Variants in ZNF12 observed in about 807,000 individuals in gnomAD.
ZNF12 encodes the protein zinc finger protein 12, also known as gonadotropin inducible transcription repressor 3.
In ZNF12, 34 loss-of-function variants were observed where a neutral mutation model predicts 66.6. The observed-to-expected ratio is 0.51, with a 90% CI of 0.39 to 0.68. ZNF12 has a LOEUF of 0.68. Among genes scored for constraint, ZNF12 ranks in the 30% least tolerant of loss-of-function variants. The probability of loss-of-function intolerance (pLI) is 0.00; values close to 1 mark genes in which losing one functional copy is unlikely to be tolerated. For synonymous variants in ZNF12, 320 were observed against 278.9 expected (o/e 1.15, Z -1.47); for missense variants, 697 against 826.9 (o/e 0.84, Z 1.93).
chr7:6,705,309 G>T lies in ZNF12; in HGVS notation c.-50-86C>A, dbSNP rs1436901878. 4.2e-6 allele frequency: 4 copies of T among 946,652 alleles called. No individual in the cohort carries two copies. The highest frequency in any genetic ancestry group is 6.5e-6 in the Non-Finnish European group (4 of 617,424). The allele number at this position is 946,652 out of a possible 1,614,324, so 58.6% of individuals were successfully genotyped here. On this transcript the variant is annotated intron_variant, in intron 1 of 4. Transcript: ENST00000405858. This position sits in a 1 kb window ranked among gnomAD's most constrained non-coding sequence, Gnocchi z 4.0. ...CTCCCGCCCAAAACCTACACAGAAA[G>T]TTCCAAGAAGTACATCTTGTGGGAG... is the stretch of plus-strand genomic sequence containing the variant.
chr7:6,702,069 A>C (rs752162731), intron 2 of ZNF12, among the ~76,000 whole-genome samples: 7 of 152,046 alleles, frequency 4.6e-5, no homozygotes, highest in Non-Finnish European at 8.8e-5. Context: ...TCAGAGAGTC[A>C]CATGACCTCC....
At chr7:6,700,100 A>G (rs577469136) in intron 2 of ZNF12, among the ~76,000 whole-genome samples, 1,851 of 151,950 alleles carry the variant, frequency 0.012, 14 homozygotes, top group Non-Finnish European at 0.019. Flanking sequence ...CCTGGCTAAC[A>G]CAGTGAAACC....
rs567937872 is a variant in ZNF12, at chr7:6,688,776, C to T, written c.*2072G>A. ...GAGAGGAAACAGAATTAGATCCTTA[C>T]CTCATACTATATGTTGTCAGCTAAC... On this transcript the variant is annotated 3_prime_UTR_variant, in exon 5 of 5. Coordinates refer to ENST00000405858, the MANE Select transcript of ZNF12 (RefSeq NM_016265.4). This position sits in a 1 kb window ranked among gnomAD's most constrained non-coding sequence, Gnocchi z 4.3. 20 of 152,438 alleles carry T rather than the reference C, an allele frequency of 1.3e-4. No individual in the cohort carries two copies. In the South Asian group the frequency reaches 3.5e-3, roughly 27 times the overall value. The allele number at this position is 152,438 out of a possible 1,614,324, so 9.4% of individuals were successfully genotyped here.
In ZNF12 at chr7:6,697,566, C is replaced by A; in HGVS notation, c.142+119G>T. ...ACGGGGGAGATCAAGACCAAAATGC[C>A]CTGCCTGGTGCCCAAAAACAGATTA... On this transcript the variant is annotated intron_variant, in intron 3 of 4. Transcript: ENST00000405858. This position sits in a 1 kb window ranked among gnomAD's most constrained non-coding sequence, Gnocchi z 6.1. 1.3e-6 allele frequency: 2 copies of A among 1,541,652 alleles called. No individual in the cohort carries two copies. The highest frequency in any genetic ancestry group is 8.9e-7 in the Non-Finnish European group (1 of 1,129,788).
rs531417197 is a variant in ZNF12 at position 6,697,844 on chromosome 7, G to A, written c.16-33C>T. 27 of 1,613,656 alleles carry A rather than the reference G, an allele frequency of 1.7e-5. No homozygotes were observed. The highest frequency in any genetic ancestry group is 3.3e-5 in the Admixed American group (2 of 60,006). ...GGCACCGTGATTGGAATTGGGTGACGTGAAATAGGCACATAGGTACAAGAT... is the reference window on the plus strand; with the variant it reads ...GGCACCGTGATTGGAATTGGGTGACATGAAATAGGCACATAGGTACAAGAT... On this transcript the variant is annotated intron_variant, in intron 2 of 4. Transcript: ENST00000405858. This position sits in a 1 kb window ranked among gnomAD's most constrained non-coding sequence, Gnocchi z 6.1.
chr7:6,690,728 A>T lies in ZNF12; in HGVS notation c.*120T>A. On this transcript the variant is annotated 3_prime_UTR_variant, in exon 5 of 5. Coordinates refer to ENST00000405858, the MANE Select transcript of ZNF12 (RefSeq NM_016265.4). ...AGTCTTCAGATTATGAGTCCAACAC[A>T]CAAGGGGATGTCCACACTAACCTGT... is the stretch of plus-strand genomic sequence containing the variant. The T allele has an allele frequency of 9.7e-7, 1 of 1,032,478 alleles. No homozygotes were observed. The highest frequency in any genetic ancestry group is 1.4e-6 in the Non-Finnish European group (1 of 729,328). The allele number at this position is 1,032,478 out of a possible 1,614,324, so 64.0% of individuals were successfully genotyped here. A position where few individuals can be genotyped will look rare whatever the true frequency, so the allele number is the denominator to read the frequency against.
chr7:6,703,005 T>C (rs1478602296), intron 2 of ZNF12, among the ~76,000 whole-genome samples: 3 of 134,166 alleles, frequency 2.2e-5, no homozygotes, highest in Non-Finnish European at 3.1e-5. Context: ...CTGCCACTCA[T>C]TGCATACTAA....
At chr7:6,706,024 C>T (rs532526769) in intron 1 of ZNF12, among the ~76,000 whole-genome samples, 2 of 152,324 alleles carry the variant, frequency 1.3e-5, no homozygotes, top group African/African-American at 4.8e-5. Context: ...AGTCACCCAC[C>T]TGCTAAGGCC....
chr7:6,692,372 A>G lies in ZNF12; in HGVS notation c.570T>C (p.Tyr190=), dbSNP rs748367714. The G allele has an allele frequency of 3.7e-6, 6 of 1,610,992 alleles. No homozygotes were observed. Among genetic ancestry groups the G allele is most frequent in the South Asian group, 2.2e-5 (2 of 90,280 alleles). Residue 190 remains tyrosine, a synonymous_variant, in exon 5 of 5, where the codon TAT becomes TAC. Coordinates refer to ENST00000405858, the MANE Select transcript of ZNF12 (RefSeq NM_016265.4). The surrounding 1 kb of genome is among the most constrained non-coding windows in gnomAD (Gnocchi z 5.1). ...LEKTHPGDQA[Y]EFNQNGEPYT... is the part of the protein sequence containing the mutation. Reference sequence around the variant, plus strand: ...AAGGTTCCCCATTTTGATTAAATTCATAAGCTTGATCTCCTGGATGAGTTT... The same window carrying G: ...AAGGTTCCCCATTTTGATTAAATTCGTAAGCTTGATCTCCTGGATGAGTTT...
rs1444822604 is a variant in ZNF12, at chr7:6,697,952, T to A, written c.16-141A>T. 2 of 1,022,122 alleles carry A rather than the reference T, an allele frequency of 2.0e-6. No homozygotes were observed. Among genetic ancestry groups the A allele is most frequent in the East Asian group, 4.7e-5 (2 of 42,172 alleles). The allele number at this position is 1,022,122 out of a possible 1,614,324, so 63.3% of individuals were successfully genotyped here. A position where few individuals can be genotyped will look rare whatever the true frequency, so the allele number is the denominator to read the frequency against. On this transcript the variant is annotated intron_variant, in intron 2 of 4. Coordinates refer to ENST00000405858, the MANE Select transcript of ZNF12 (RefSeq NM_016265.4). The surrounding 1 kb of genome is among the most constrained non-coding windows in gnomAD (Gnocchi z 6.1). The stretch of plus-strand genomic sequence containing the variant: ...ACAGACTGTCAAAGGGAAACAAACA[T>A]ATCAGAAATACACTGTTCTGGGGTT...
chr7:6,689,841 T>C lies in ZNF12; in HGVS notation c.*1007A>G, dbSNP rs1562596975. On this transcript the variant is annotated 3_prime_UTR_variant, in exon 5 of 5. Transcript: ENST00000405858. ...CAAATGAAAACACAGTGAATTCCTA[T>C]GTTACACAGCATTGTGCTCTGCACT... 1 of 152,644 alleles carries C rather than the reference T, an allele frequency of 6.6e-6. No homozygotes were observed. Among genetic ancestry groups the C allele is most frequent in the African/African-American group, 2.4e-5 (1 of 41,452 alleles). The allele number at this position is 152,644 out of a possible 1,614,324, so 9.5% of individuals were successfully genotyped here.
chr7:6,703,065 C>CACACA (rs1780283241), intron 2 of ZNF12, among the ~76,000 whole-genome samples: 1 of 151,692 alleles, frequency 6.6e-6, no homozygotes, highest in Non-Finnish European at 1.5e-5. Context: ...CACACACACA[C>CACACA]CCCTACCTGC....
chr7:6,691,685 G>A lies in ZNF12; in HGVS notation c.1257C>T (p.Cys419=). The A allele has an allele frequency of 6.2e-7, 1 of 1,613,660 alleles. No individual in the cohort carries two copies. The highest frequency in any genetic ancestry group is 8.5e-7 in the Non-Finnish European group (1 of 1,179,810). The change falls in exon 5 of 5, where the codon TGC becomes TGT. Residue 419 remains cysteine, a synonymous_variant. Transcript: ENST00000405858. The part of the protein sequence containing the change: ...YKCSECGKCF[C]RKSTLTTHLR... ...GGTGGGTCGTGAGAGTAGACTTGCG[G>A]CAGAAGCATTTCCCACATTCACTAC...
Position 6,691,201 on chromosome 7 carries a change from C to T in ZNF12, c.1741G>A (p.Glu581Lys). Residue 581 changes from glutamate (E) to lysine (K), a missense_variant, in exon 5 of 5, where the codon GAA becomes AAA. Glu to Lys is a moderately conservative substitution (Grantham distance 56). Around this residue, in one of 3 missense-constraint regions of ZNF12, gnomAD observed 401 missense variants for 519.0 expected, o/e 0.77. Coordinates refer to ENST00000405858, the MANE Select transcript of ZNF12 (RefSeq NM_016265.4). ...HSGEKPYECS[E>K]CGKTFCQNSA... is the part of the protein sequence containing the mutation. Reference sequence around the variant, plus strand: ...TTCTGGCAGAAGGTTTTCCCACATTCACTACATTCATAGGGCTTCTCTCCT... The same window carrying T: ...TTCTGGCAGAAGGTTTTCCCACATTTACTACATTCATAGGGCTTCTCTCCT... The T allele has an allele frequency of 4.3e-6, 7 of 1,614,118 alleles. No individual in the cohort carries two copies. Among genetic ancestry groups the T allele is most frequent in the South Asian group, 1.1e-5 (1 of 91,082 alleles).
rs1290749510 is a variant in ZNF12, at chr7:6,688,642, G to C, written c.*2206C>G. On this transcript the variant is annotated 3_prime_UTR_variant, in exon 5 of 5. Coordinates refer to ENST00000405858, the MANE Select transcript of ZNF12 (RefSeq NM_016265.4). The surrounding 1 kb of genome is among the most constrained non-coding windows in gnomAD (Gnocchi z 4.3). Reference sequence around the variant, plus strand: ...GAAGAATATGGAGAAAAAGTGCTGAGTGACAAAAACAGGAGCCATGTGTGA... The same window carrying C: ...GAAGAATATGGAGAAAAAGTGCTGACTGACAAAAACAGGAGCCATGTGTGA... 6.6e-6 allele frequency: 1 copy of C among 152,182 alleles called. No individual in the cohort carries two copies. The highest frequency in any genetic ancestry group is 1.5e-5 in the Non-Finnish European group (1 of 68,032). The allele number at this position is 152,182 out of a possible 1,614,324, so 9.4% of individuals were successfully genotyped here. A position where few individuals can be genotyped will look rare whatever the true frequency, so the allele number is the denominator to read the frequency against.
Position 6,697,755 on chromosome 7 carries a change from C to G in ZNF12, c.72G>C (p.Gln24His). 1 of 1,614,202 alleles carries G rather than the reference C, an allele frequency of 6.2e-7. No individual in the cohort carries two copies. The highest frequency in any genetic ancestry group is 8.5e-7 in the Non-Finnish European group (1 of 1,180,040). The change falls in exon 3 of 5, where the codon CAG (glutamine) becomes CAC (histidine). Residue 24 changes from glutamine (Q) to histidine (H), a missense_variant. Physicochemically the swap from Gln to His is conservative, Grantham distance 24. Transcript: ENST00000405858. The surrounding 1 kb of genome is among the most constrained non-coding windows in gnomAD (Gnocchi z 6.1). ...AVDFTQEEWQ[Q>H]LDPEQKITYR... ...AAGTTATCTTCTGCTCAGGATCCAG[C>G]TGCTGCCATTCCTCCTGGGTGAAGT...
Position 6,698,140 on chromosome 7 carries a change from G to A in ZNF12, c.16-329C>T. On this transcript the variant is annotated intron_variant, in intron 2 of 4. Transcript: ENST00000405858. This position sits in a 1 kb window ranked among gnomAD's most constrained non-coding sequence, Gnocchi z 4.4. The stretch of plus-strand genomic sequence containing the variant: ...GGGGACACTCACAGAACCCCAGGAT[G>A]CACTCTGCTTCTTTGCACATTCTTC... The A allele has an allele frequency of 2.0e-6, 1 of 510,842 alleles. No individual in the cohort carries two copies. The highest frequency in any genetic ancestry group is 2.6e-5 in the Admixed American group (1 of 39,090). 31.6% of individuals were successfully genotyped at this position (510,842 alleles called of 1,614,324 possible).
In ZNF12 at chr7:6,697,190, GA is replaced by G. The variant is rs1248046719; in HGVS notation, c.238+148del. ...CTCCATAAACATAAGTTCTTACGGG[GA>G]AGGAAGAAGTCTTTGGGAGTGAGAT... On this transcript the variant is annotated intron_variant, in intron 4 of 4. Transcript: ENST00000405858. This position sits in a 1 kb window ranked among gnomAD's most constrained non-coding sequence, Gnocchi z 6.1. 4 of 529,644 alleles carry G rather than the reference GA, an allele frequency of 7.6e-6. No homozygotes were observed. Among genetic ancestry groups the G allele is most frequent in the Non-Finnish European group, 1.3e-5 (4 of 307,700 alleles). The allele number at this position is 529,644 out of a possible 1,614,324, so 32.8% of individuals were successfully genotyped here. A position where few individuals can be genotyped will look rare whatever the true frequency, so the allele number is the denominator to read the frequency against.
chr7:6,703,328 G>C (rs1381759966), intron 2 of ZNF12, among the ~76,000 whole-genome samples: 1 of 152,146 alleles, frequency 6.6e-6, no homozygotes, highest in Non-Finnish European at 1.5e-5. Flanking sequence ...GTGGAGGAAA[G>C]TAGCAGTATA....
Sources: allele counts gnomAD v4.1 joint callset (sites outside exome capture counted in the v4.1 genomes callset), GRCh38; gene constraint gnomAD v4.1.1; regional missense constraint gnomAD v4.1.1; non-coding constraint Gnocchi (gnomAD v3.1); transcripts MANE v1.5; gene names NCBI Gene and HGNC (gene_info 2026-07-23, HGNC 2026-07-21).